The following WDR1 variants were observed in gnomAD, a reference collection of about 807,000 sequenced individuals.
The protein encoded by WDR1 is WD repeat domain 1.
A neutral mutation model predicts 71.9 loss-of-function variants in WDR1; 21 were observed. That is an observed-to-expected ratio of 0.29 (90% CI 0.21 to 0.42). WDR1 has a LOEUF of 0.42. WDR1 is among the 10% of genes least tolerant of loss of function. WDR1 has a pLI of 1.00. For missense variants in WDR1, 696 were observed against 824.5 expected (o/e 0.84, Z 1.91); for synonymous variants, 424 against 347.4 (o/e 1.22, Z -2.45).
chr4:10,080,145 C>T (rs1246293294), intron 11 of WDR1, among the ~76,000 whole-genome samples: 1 of 152,202 alleles, frequency 6.6e-6, no homozygotes, highest in Non-Finnish European at 1.5e-5. Context: ...GGGGTCCTTT[C>T]TAACCTCCTG....
rs1276406371 is a variant in WDR1, at chr4:10,101,653, G to A, written c.229+2243C>T. On this transcript the variant is annotated intron_variant, in intron 3 of 14. Coordinates refer to ENST00000499869, the MANE Select transcript of WDR1 (RefSeq NM_017491.5). ...TGGTCTGTCCTTTGCAACAGTCTCC[G>A]CAACAGCCTTCCATTGAATTCTGTC... 5.9e-5 allele frequency among the ~76,000 whole-genome samples: 9 copies of A among 152,270 alleles called. No individual in the cohort carries two copies. The South Asian group carries it at 1.7e-3, about 28-fold the overall frequency.
rs149391638 is a variant in WDR1, at chr4:10,096,828, AAC to A, written c.558+881_558+882del. 4.9e-3 allele frequency among the ~76,000 whole-genome samples: 746 copies of A among 152,280 alleles called. 8 individuals carry two copies. The highest frequency in any genetic ancestry group is 0.017 in the African/African-American group (704 of 41,564). ...TCCCGAGAACTTGGTCCAATCTGCAAACACAACCTCCTCCAAGGACATCAACA... is the reference window on the plus strand; with the variant it reads ...TCCCGAGAACTTGGTCCAATCTGCAAACAACCTCCTCCAAGGACATCAACA... On this transcript the variant is annotated intron_variant, in intron 5 of 14. Coordinates refer to ENST00000499869, the MANE Select transcript of WDR1 (RefSeq NM_017491.5).
chr4:10,100,404 T>C (rs1712616419), intron 3 of WDR1, among the ~76,000 whole-genome samples: 1 of 152,254 alleles, frequency 6.6e-6, no homozygotes, highest in Non-Finnish European at 1.5e-5. Context: ...AGTCTCCAAC[T>C]AGTCTTCAGT....
Position 10,077,914 on chromosome 4 carries a change from G to A in WDR1, c.1408C>T (p.Arg470Cys), listed in dbSNP as rs779151951. ...VAIGGVDGNV[R>C]LYSILGTTLK... ...GTGGTGCCCAGGATGGAATACAGGC[G>A]GACGTTGCCGTCCTACGGCAGGGAC... The change falls in exon 13 of 15, where the codon CGC becomes TGC. Residue 470 changes from arginine to cysteine, a missense_variant. Physicochemically the swap from Arg to Cys is radical, Grantham distance 180. Transcript: ENST00000499869. The A allele has an allele frequency of 1.9e-6, 3 of 1,606,348 alleles. No individual in the cohort carries two copies. Among genetic ancestry groups the A allele is most frequent in the African/African-American group, 1.3e-5 (1 of 74,886 alleles).
intron 5 of WDR1, among the ~76,000 whole-genome samples, chr4:10,095,170 C>A (rs1200491060): frequency 6.6e-6 from 1 of 152,322 alleles, no homozygotes; most frequent in Middle Eastern, 3.4e-3. Flanking sequence ...GGCAAGGCCA[C>A]CAAGGCCTGA....
chr4:10,090,528 C>G (rs557378102), intron 5 of WDR1, among the ~76,000 whole-genome samples: 1 of 152,204 alleles, frequency 6.6e-6, no homozygotes, highest in Non-Finnish European at 1.5e-5. Flanking sequence ...CGACCCCAGA[C>G]CTGTGGCACA....
intron 2 of WDR1, chr4:10,115,667 A>C (rs1713669630): frequency 6.5e-6 from 1 of 154,804 alleles, no homozygotes; most frequent in Non-Finnish European, 1.4e-5. Context: ...CATCTGTTTT[A>C]CAGACGAGAA....
chr4:10,084,768 C>T (rs1765146949), intron 8 of WDR1, among the ~76,000 whole-genome samples: 1 of 152,206 alleles, frequency 6.6e-6, no homozygotes, highest in African/African-American at 2.4e-5. Context: ...CATTCCCCTC[C>T]CTCCAAGGTA....
At chr4:10,095,171 C>G (rs1349705814) in intron 5 of WDR1, among the ~76,000 whole-genome samples, 2 of 152,246 alleles carry the variant, frequency 1.3e-5, no homozygotes, top group Non-Finnish European at 2.9e-5. Context: ...GCAAGGCCAC[C>G]AAGGCCTGAG....
chr4:10,097,286 T>C (rs971508039), intron 5 of WDR1, among the ~76,000 whole-genome samples: 3 of 152,288 alleles, frequency 2.0e-5, no homozygotes, highest in Admixed American at 1.3e-4. Context: ...GGCGCATCAC[T>C]GCCCTCACTG....
intron 5 of WDR1, chr4:10,092,431 C>T (rs1269435093): frequency 6.5e-6 from 1 of 152,804 alleles, no homozygotes; most frequent in East Asian, 1.9e-4. Flanking sequence ...GACATTCCTG[C>T]TCGCGCAAAC....
rs1278364125 is a variant in WDR1 at position 10,102,992 on chromosome 4, ACT to A, written c.229+902_229+903del. Among the ~76,000 whole-genome samples the A allele has an allele frequency of 3.9e-5, 6 of 152,070 alleles. No individual in the cohort carries two copies. In the East Asian group the frequency reaches 1.2e-3, roughly 29 times the overall value. ...GGGCCACCATTCTAGAAGGGGTACC[ACT>A]CTCACTCCTGTACCTCTTGTTCCCA... On this transcript the variant is annotated intron_variant, in intron 3 of 14. Coordinates refer to ENST00000499869, the MANE Select transcript of WDR1 (RefSeq NM_017491.5).
intron 8 of WDR1, among the ~76,000 whole-genome samples, chr4:10,085,561 C>T (rs1002981718): frequency 6.6e-6 from 1 of 152,250 alleles, no homozygotes; most frequent in African/African-American, 2.4e-5. Context: ...GCCCACCTTC[C>T]TGCCAAATCA....
At chr4:10,100,374 C>T (rs891902688) in intron 3 of WDR1, among the ~76,000 whole-genome samples, 1 of 152,220 alleles carries the variant, frequency 6.6e-6, no homozygotes, top group Non-Finnish European at 1.5e-5. Flanking sequence ...GCTGTAGGTT[C>T]CACGAGTTAA....
In WDR1 at chr4:10,083,002, G is replaced by A. The variant is rs1350934972; in HGVS notation, c.1196+20C>T. ...GAGCTGAGGCTCATCCGGAACCCCC[G>A]CAGACCCGAGTGCTCTCACCTGTAG... On this transcript the variant is annotated intron_variant, in intron 10 of 14. Coordinates refer to ENST00000499869, the MANE Select transcript of WDR1 (RefSeq NM_017491.5). 3 of 1,596,342 alleles carry A rather than the reference G, an allele frequency of 1.9e-6. No homozygotes were observed. Among genetic ancestry groups the A allele is most frequent in the East Asian group, 2.2e-5 (1 of 44,508 alleles).
At chr4:10,105,958 C>G (rs1021412793) in intron 2 of WDR1, among the ~76,000 whole-genome samples, 10 of 152,222 alleles carry the variant, frequency 6.6e-5, no homozygotes, top group African/African-American at 2.4e-4. Flanking sequence ...GCACTCAACA[C>G]CAGCTATCAA....
intron 2 of WDR1, among the ~76,000 whole-genome samples, chr4:10,107,029 G>A (rs1713062789): frequency 6.6e-6 from 1 of 152,166 alleles, no homozygotes; most frequent in South Asian, 2.1e-4. Context: ...GGGTTGAGAA[G>A]CTTATTTGGG....
At chr4:10,082,997 C>A (rs754475658) in intron 10 of WDR1, 25 bp downstream of exon 10, 2 of 1,591,188 alleles carry the variant, frequency 1.3e-6, no homozygotes, top group Non-Finnish European at 1.7e-6. Context: ...TCATCCGGAA[C>A]CCCCGCAGAC....
intron 10 of WDR1, among the ~76,000 whole-genome samples, 179 bp from the exon 11 acceptor site, chr4:10,081,623 G>T (rs1765016535): frequency 1.6e-5 from 2 of 128,394 alleles, no homozygotes; most frequent in South Asian, 5.3e-4. Context: ...TGACTCTGGT[G>T]CAAAGAGATT....
Sources: gnomAD v4.1 joint callset for allele counts (sites outside exome capture counted in the v4.1 genomes callset) on GRCh38, gnomAD v4.1.1 for gene constraint, MANE v1.5 for transcripts, NCBI Gene and HGNC (gene_info 2026-07-23, HGNC 2026-07-21) for gene names.